Variants in PRKCE observed in about 807,000 individuals in gnomAD.
PRKCE encodes protein kinase C epsilon.
A neutral mutation model predicts 85.4 loss-of-function variants in PRKCE; 16 were observed. The observed-to-expected ratio is 0.19, with a 90% CI of 0.13 to 0.28. PRKCE has a LOEUF of 0.28. PRKCE is among the 10% of genes least tolerant of loss of function. The pLI is 1.00. For missense variants in PRKCE, 573 were observed against 975.2 expected, an observed-to-expected ratio of 0.59 and a Z score of 5.49; for synonymous variants, 388 against 371.5, an observed-to-expected ratio of 1.04 and a Z score of -0.51.
At chr2:45,701,676 C>A (rs912334066) in intron 1 of PRKCE, among the ~76,000 whole-genome samples, 10 of 152,056 alleles carry the variant, frequency 6.6e-5, no homozygotes, top group African/African-American at 2.4e-4. Flanking sequence ...CTTGTTTTGC[C>A]CACCTCCTAG....
chr2:45,895,877 C>T lies in PRKCE; in HGVS notation c.412+52814C>T, dbSNP rs1696098937. ...GATAGAGAAGGGTGGAGGATGCAGG[C>T]AAGGGGCTCCCAGAGGAGTTGGTGT... On this transcript the variant is annotated intron_variant, in intron 2 of 14. Coordinates refer to ENST00000306156, the MANE Select transcript of PRKCE (RefSeq NM_005400.3). This position sits in a 1 kb window ranked among gnomAD's most constrained non-coding sequence, Gnocchi z 4.8. 6.6e-6 allele frequency among the ~76,000 whole-genome samples: 1 copy of T among 152,258 alleles called. No individual in the cohort carries two copies. The highest frequency in any genetic ancestry group is 2.4e-5 in the African/African-American group (1 of 41,548).
intron 1 of PRKCE, chr2:45,678,038 C>A: frequency 6.1e-6 from 2 of 328,792 alleles, no homozygotes; most frequent in Non-Finnish European, 8.7e-6. Flanking sequence ...GGTGGTTCTA[C>A]ACCGAGCCAG....
chr2:45,901,921 T>C (rs556328438), intron 2 of PRKCE, among the ~76,000 whole-genome samples: 105 of 152,318 alleles, frequency 6.9e-4, no homozygotes, highest in African/African-American at 2.4e-3. Flanking sequence ...GCAGGTCATT[T>C]TGCAATAACT....
chr2:46,103,301 G>A (rs1261120991), intron 11 of PRKCE, among the ~76,000 whole-genome samples: 1 of 152,120 alleles, frequency 6.6e-6, no homozygotes, highest in Admixed American at 6.6e-5. Flanking sequence ...ATTACAAAAT[G>A]TATATTTCTT....
Position 46,159,996 on chromosome 2 carries a change from T to G in PRKCE, c.2067+244T>G. 2.1e-6 allele frequency: 1 copy of G among 471,252 alleles called. No homozygotes were observed. The highest frequency in any genetic ancestry group is 4.1e-5 in the East Asian group (1 of 24,466). The allele number at this position is 471,252 out of a possible 1,614,324, so 29.2% of individuals were successfully genotyped here. ...ATTTACGTGGGCCACAGAACACCTT[T>G]TGTCTTTACAGAGATTCAATTTATT... On this transcript the variant is annotated intron_variant, in intron 14 of 14. Coordinates refer to ENST00000306156, the MANE Select transcript of PRKCE (RefSeq NM_005400.3). The surrounding 1 kb of genome is among the most constrained non-coding windows in gnomAD (Gnocchi z 4.1).
intron 1 of PRKCE, among the ~76,000 whole-genome samples, chr2:45,755,071 T>A (rs1457982051): frequency 6.6e-6 from 1 of 151,788 alleles, no homozygotes; most frequent in Admixed American, 6.6e-5. Context: ...GCGAGGGGAG[T>A]GTGCATTGCT....
intron 14 of PRKCE, among the ~76,000 whole-genome samples, chr2:46,165,545 A>G (rs1461893426): frequency 6.6e-6 from 1 of 152,222 alleles, no homozygotes; most frequent in Non-Finnish European, 1.5e-5. Flanking sequence ...GGTCTATCCC[A>G]TTGGGGATTT....
At chr2:45,814,327 G>A (rs1688865072) in intron 1 of PRKCE, among the ~76,000 whole-genome samples, 1 of 152,204 alleles carries the variant, frequency 6.6e-6, no homozygotes, top group Admixed American at 6.5e-5. Context: ...GTAATTGGAT[G>A]CCCCGATACC....
intron 10 of PRKCE, chr2:46,010,838 C>T (rs61758295): frequency 1.3e-6 from 2 of 1,540,810 alleles, no homozygotes; most frequent in African/African-American, 2.7e-5. Context: ...CTGCTCCTAA[C>T]TTTCTATCAC....
In PRKCE at chr2:45,833,435, A is replaced by G. The variant is rs535317660; in HGVS notation, c.349-9565A>G. ...ATGGCTTAGCAGGAGAGGTGCTCACAGTCTAGGTGGGAAATAGCAATCATA... is the reference window on the plus strand; with the variant it reads ...ATGGCTTAGCAGGAGAGGTGCTCACGGTCTAGGTGGGAAATAGCAATCATA... On this transcript the variant is annotated intron_variant, in intron 1 of 14. Transcript: ENST00000306156. 3.3e-5 allele frequency among the ~76,000 whole-genome samples: 5 copies of G among 152,330 alleles called. No homozygotes were observed. In the South Asian group the frequency reaches 1.0e-3, roughly 32 times the overall value.
intron 1 of PRKCE, among the ~76,000 whole-genome samples, chr2:45,747,323 C>G (rs1337993922): frequency 1.3e-5 from 2 of 152,162 alleles, no homozygotes; most frequent in South Asian, 2.1e-4. Context: ...TTTTACCTTG[C>G]AAATCTGAAA....
chr2:45,859,445 T>G (rs929295578), intron 2 of PRKCE, among the ~76,000 whole-genome samples: 1 of 152,236 alleles, frequency 6.6e-6, no homozygotes. Flanking sequence ...CAGACATGTT[T>G]GCAATATCCA....
intron 11 of PRKCE, among the ~76,000 whole-genome samples, chr2:46,132,411 G>T (rs920796182): frequency 6.6e-6 from 1 of 152,188 alleles, no homozygotes; most frequent in Admixed American, 6.5e-5. Context: ...GAGCTGAACT[G>T]CTGCTATCCT....
At chr2:45,670,831 C>G (rs1174380966) in intron 1 of PRKCE, among the ~76,000 whole-genome samples, 2 of 152,230 alleles carry the variant, frequency 1.3e-5, no homozygotes, top group Non-Finnish European at 2.9e-5. Flanking sequence ...ACCTGCCTGA[C>G]TACTCCTTAG....
At chr2:45,888,256 G>T (rs1333651721) in intron 2 of PRKCE, among the ~76,000 whole-genome samples, 1 of 152,130 alleles carries the variant, frequency 6.6e-6, no homozygotes, top group African/African-American at 2.4e-5. Flanking sequence ...AACAGCCCAA[G>T]GAGTTCTGGA....
intron 1 of PRKCE, among the ~76,000 whole-genome samples, chr2:45,728,514 G>T (rs1288144264): frequency 6.6e-6 from 1 of 152,144 alleles, no homozygotes; most frequent in Non-Finnish European, 1.5e-5. Context: ...TGAGGGTGGT[G>T]CAAGTGCTAT....
At chr2:45,812,750 G>A (rs4953261) in intron 1 of PRKCE, among the ~76,000 whole-genome samples, 33,917 of 152,160 alleles carry the variant, frequency 0.22, 4,620 homozygotes, top group Non-Finnish European at 0.3. Flanking sequence ...CACCCGGCAG[G>A]GACTGGATCC....
intron 1 of PRKCE, among the ~76,000 whole-genome samples, chr2:45,764,844 A>G (rs946236642): frequency 6.6e-6 from 1 of 152,228 alleles, no homozygotes; most frequent in African/African-American, 2.4e-5. Flanking sequence ...AAATCAACAT[A>G]TATTAAAAAT....
At chr2:45,679,932 A>C (rs941666192) in intron 1 of PRKCE, among the ~76,000 whole-genome samples, 3 of 152,244 alleles carry the variant, frequency 2.0e-5, no homozygotes. Flanking sequence ...TTCTAAACCT[A>C]GGCTCTGCCC....
Sources: gnomAD v4.1 joint callset for allele counts (sites outside exome capture counted in the v4.1 genomes callset) on GRCh38, gnomAD v4.1.1 for gene constraint, Gnocchi (gnomAD v3.1) non-coding constraint, MANE v1.5 for transcripts, NCBI Gene and HGNC (gene_info 2026-07-23, HGNC 2026-07-21) for gene names.